The following NR6A1 variants were observed in gnomAD, a reference collection of about 807,000 sequenced individuals.
The protein encoded by NR6A1 is nuclear receptor subfamily 6 group A member 1, also known as retinoic acid receptor-related testis-associated receptor.
NR6A1 carries 7 observed loss-of-function variants against 59.1 expected under a neutral mutation model. The observed-to-expected ratio is 0.12, with a 90% CI of 0.07 to 0.22. The LOEUF (loss-of-function observed/expected upper bound fraction) is 0.22, where lower values mean the gene tolerates loss of function less well. NR6A1 is among the 10% of genes least tolerant of loss of function. NR6A1 has a pLI of 1.00. For synonymous variants in NR6A1, 243 were observed against 236.1 expected (o/e 1.03, Z -0.27); for missense variants, 468 against 611.6 (o/e 0.77, Z 2.48).
In NR6A1 at chr9:124,522,773, G is replaced by T; in HGVS notation, c.1375C>A (p.Leu459Met). The change falls in exon 10 of 10, where the codon CTG becomes ATG. Residue 459 changes from leucine (L) to methionine (M), a missense_variant. Leu to Met is a conservative substitution (Grantham distance 15). Transcript: ENST00000487099. ...YIAGKMVNVP[L>M]EQLPLLFKVV... ...TTAAAGAGGAGGGGCAGCTGCTCCA[G>T]GGGCACATTCACCATCTTTCCTGGG... The T allele has an allele frequency of 6.3e-7, 1 of 1,591,474 alleles. No homozygotes were observed. The highest frequency in any genetic ancestry group is 2.3e-5 in the East Asian group (1 of 43,640).
chr9:124,540,379 T>C (rs2131356594), intron 4 of NR6A1, among the ~76,000 whole-genome samples, 192 bp from the exon 5 acceptor site: 1 of 152,320 alleles, frequency 6.6e-6, no homozygotes, highest in East Asian at 1.9e-4. Flanking sequence ...TGGCCCTTCG[T>C]GGCCTTCCTC....
At chr9:124,539,997 C>T in intron 5 of NR6A1, 36 bp downstream of exon 5, 2 of 1,524,054 alleles carry the variant, frequency 1.3e-6, no homozygotes, top group Non-Finnish European at 1.7e-6. Flanking sequence ...GTGGGGGATC[C>T]CTAGATGATG....
At chr9:124,615,824 T>TTTTATTTA (rs541008311) in intron 2 of NR6A1, among the ~76,000 whole-genome samples, 2 of 151,776 alleles carry the variant, frequency 1.3e-5, no homozygotes, top group African/African-American at 2.4e-5. Context: ...CAATCTTAGG[T>TTTTATTTA]TTTATTTATT....
rs999970817 is a variant in NR6A1, at chr9:124,717,385, C to T, written c.142+15923G>A. 5.3e-5 allele frequency among the ~76,000 whole-genome samples: 8 copies of T among 152,146 alleles called. No homozygotes were observed. In the East Asian group the frequency reaches 1.3e-3, roughly 26 times the overall value. ...ATGGTACGGTCAAAGGAATACTCCT[C>T]AACAATAAAAAGAAATGAACTACTA... On this transcript the variant is annotated intron_variant, in intron 2 of 9. Transcript: ENST00000487099.
intron 2 of NR6A1, among the ~76,000 whole-genome samples, chr9:124,666,187 TAGAC>T (rs1837606982): frequency 6.6e-6 from 1 of 151,636 alleles, no homozygotes; most frequent in South Asian, 2.1e-4. Flanking sequence ...CAGAGCAAAT[TAGAC>T]AGTTACACCA....
intron 2 of NR6A1, among the ~76,000 whole-genome samples, chr9:124,646,806 C>G (rs1190278473): frequency 6.6e-6 from 1 of 152,212 alleles, no homozygotes; most frequent in Non-Finnish European, 1.5e-5. Context: ...AAGGCACAAT[C>G]TGCCAAAACA....
At chr9:124,715,506 A>T (rs1417048626) in intron 2 of NR6A1, among the ~76,000 whole-genome samples, 1 of 152,154 alleles carries the variant, frequency 6.6e-6, no homozygotes, top group Non-Finnish European at 1.5e-5. Context: ...ACTGTACTCC[A>T]GCCTCAGTAA....
chr9:124,675,957 T>A (rs1260382037), intron 2 of NR6A1, among the ~76,000 whole-genome samples: 2 of 152,042 alleles, frequency 1.3e-5, no homozygotes, highest in Non-Finnish European at 2.9e-5. Flanking sequence ...TGGATAAGAG[T>A]CCAAGACTTG....
At chr9:124,720,168 CA>C (rs1839525573) in intron 2 of NR6A1, among the ~76,000 whole-genome samples, 1 of 152,052 alleles carries the variant, frequency 6.6e-6, no homozygotes, top group South Asian at 2.1e-4. Context: ...CTGCCTCCAT[CA>C]GCCTCCCAAG....
At chr9:124,566,633 G>A (rs1029022373) in intron 2 of NR6A1, among the ~76,000 whole-genome samples, 1 of 152,182 alleles carries the variant, frequency 6.6e-6, no homozygotes, top group Admixed American at 6.5e-5. Context: ...GTTTGAACAG[G>A]AGCCTAGAAA....
chr9:124,733,427 A>G, intron 1 of NR6A1, 78 bp from the exon 2 acceptor site: 1 of 1,093,248 alleles, frequency 9.1e-7, no homozygotes. Flanking sequence ...AGTATCATAC[A>G]GTTGGGGGGA....
chr9:124,538,947 C>T (rs1044510211), intron 5 of NR6A1, among the ~76,000 whole-genome samples: 42 of 150,506 alleles, frequency 2.8e-4, no homozygotes, highest in Admixed American at 2.5e-3. Flanking sequence ...GTGGTGTGCA[C>T]CTACAGTTTC....
At chr9:124,564,119 AAATAAAGCTATAAATAGTGCTTTAATTT>A (rs1278518323) in intron 2 of NR6A1, among the ~76,000 whole-genome samples, 11 of 152,248 alleles carry the variant, frequency 7.2e-5, no homozygotes, top group Admixed American at 2.0e-4. Flanking sequence ...AATTCATCTT[AAATAAAGCTATAAATAGTGCTTTAATTT>A]AAAAAAGTCT....
chr9:124,664,470 A>G (rs1004769051), intron 2 of NR6A1, among the ~76,000 whole-genome samples: 1 of 152,228 alleles, frequency 6.6e-6, no homozygotes, highest in Non-Finnish European at 1.5e-5. Flanking sequence ...TAAAAGCTAA[A>G]GAACAGACAG....
chr9:124,630,967 C>T (rs747015963), intron 2 of NR6A1, among the ~76,000 whole-genome samples: 1 of 152,002 alleles, frequency 6.6e-6, no homozygotes, highest in Non-Finnish European at 1.5e-5. Context: ...GCCACTATGC[C>T]GGGCCCTACA....
chr9:124,594,593 G>A (rs1276899686), intron 2 of NR6A1, among the ~76,000 whole-genome samples: 1 of 152,176 alleles, frequency 6.6e-6, no homozygotes, highest in Admixed American at 6.5e-5. Flanking sequence ...TGCATACTGG[G>A]GGAGGAGGCT....
chr9:124,621,180 T>C (rs1836060024), intron 2 of NR6A1, among the ~76,000 whole-genome samples: 1 of 152,198 alleles, frequency 6.6e-6, no homozygotes, highest in African/African-American at 2.4e-5. Context: ...TTTTTAAAAT[T>C]CTTTAACTTT....
At chr9:124,716,988 ACC>A (rs770104261) in intron 2 of NR6A1, among the ~76,000 whole-genome samples, 14 of 152,234 alleles carry the variant, frequency 9.2e-5, no homozygotes, top group Non-Finnish European at 1.9e-4. Flanking sequence ...CACATGAATG[ACC>A]AATAAGTACA....
At chr9:124,727,252 C>A (rs1048339547) in intron 2 of NR6A1, among the ~76,000 whole-genome samples, 4 of 152,102 alleles carry the variant, frequency 2.6e-5, no homozygotes, top group Admixed American at 6.6e-5. Context: ...TGGGAAAAAA[C>A]CCAAAAAGTT....
Sources: gnomAD v4.1 joint callset for allele counts (sites outside exome capture counted in the v4.1 genomes callset) on GRCh38, gnomAD v4.1.1 for gene constraint, MANE v1.5 for transcripts, NCBI Gene and HGNC (gene_info 2026-07-23, HGNC 2026-07-21) for gene names.